The following ACACA variants were observed in gnomAD, a reference collection of about 807,000 sequenced individuals.
ACACA encodes acetyl-CoA carboxylase 1.
A neutral mutation model predicts 296.1 loss-of-function variants in ACACA; 103 were observed. That is an observed-to-expected ratio of 0.35 (90% CI 0.30 to 0.41). The LOEUF is 0.41. ACACA is among the 10% of genes least tolerant of loss of function. The probability of loss-of-function intolerance (pLI) is 1.00; values close to 1 mark genes in which losing one functional copy is unlikely to be tolerated. For synonymous variants in ACACA, 953 were observed against 1,038.6 expected, an observed-to-expected ratio of 0.92 and a Z score of 1.58; for missense variants, 1,554 against 2,989.7, an observed-to-expected ratio of 0.52 and a Z score of 11.20.
chr17:37,205,757 G>C lies in ACACA; in HGVS notation c.4056+8C>G. 6.2e-7 allele frequency: 1 copy of C among 1,608,548 alleles called. No individual in the cohort carries two copies. The highest frequency in any genetic ancestry group is 8.5e-7 in the Non-Finnish European group (1 of 1,175,420). ...ACATCACGAGCTTCCACCCAATCAA[G>C]AACTTACATTTTGCTGGGTAAATTC... On this transcript the variant is annotated splice_region_variant and intron_variant, in intron 33 of 55. Transcript: ENST00000616317.
At chr17:37,244,311 A>G (rs1166305107) in intron 21 of ACACA, among the ~76,000 whole-genome samples, 2 of 152,088 alleles carry the variant, frequency 1.3e-5, no homozygotes, top group Non-Finnish European at 2.9e-5. Context: ...GGTTGCAGTC[A>G]GCTGAGTTTG....
At position 37,323,657 on chromosome 17, in the gene ACACA, A is replaced by G. The variant is rs184082889; in HGVS notation, c.338+6516T>C. 9.2e-4 allele frequency among the ~76,000 whole-genome samples: 140 copies of G among 152,354 alleles called. 1 individual carries two copies. Among genetic ancestry groups the G allele is most frequent in the Non-Finnish European group, 1.4e-3 (95 of 68,036 alleles). On this transcript the variant is annotated intron_variant, in intron 3 of 55. Transcript: ENST00000616317. ...AGATTTAAAGAAATCACACTATGCTAGAGAGGAAGGAGGTGGATTTTTAAA... is the reference window on the plus strand; with the variant it reads ...AGATTTAAAGAAATCACACTATGCTGGAGAGGAAGGAGGTGGATTTTTAAA...
intron 45 of ACACA, among the ~76,000 whole-genome samples, chr17:37,145,452 T>C (rs2075771388): frequency 6.6e-6 from 1 of 152,196 alleles, no homozygotes; most frequent in Non-Finnish European, 1.5e-5. Flanking sequence ...TTGAGTGACA[T>C]GAAATAGCAA....
intron 19 of ACACA, 124 bp from the exon 20 acceptor site, chr17:37,245,338 G>C (rs760726754): frequency 5.2e-5 from 49 of 941,168 alleles, no homozygotes; most frequent in Non-Finnish European, 8.0e-5. Flanking sequence ...AGAAAAAATG[G>C]GAATTTACCA....
chr17:37,379,476 A>C, intron 1 of ACACA: 1 of 1,429,462 alleles, frequency 7.0e-7, no homozygotes, highest in Non-Finnish European at 9.4e-7. Flanking sequence ...GCTACAAGAA[A>C]ATGAATTATC....
intron 1 of ACACA, chr17:37,378,027 A>C: frequency 7.0e-7 from 1 of 1,438,804 alleles, no homozygotes; most frequent in Non-Finnish European, 9.8e-7. Flanking sequence ...TACCTTTAAA[A>C]GATATCTCAT....
chr17:37,236,888 T>C (rs530866553), intron 24 of ACACA, among the ~76,000 whole-genome samples: 8 of 152,254 alleles, frequency 5.3e-5, no homozygotes, highest in African/African-American at 1.9e-4. Flanking sequence ...GAAATATATA[T>C]ACAGAAGAAT....
chr17:37,239,153 G>A (rs1462468380), intron 24 of ACACA, among the ~76,000 whole-genome samples: 1 of 151,572 alleles, frequency 6.6e-6, no homozygotes, highest in Non-Finnish European at 1.5e-5. Context: ...TTTTTTTCCT[G>A]AACTGCTTTT....
intron 11 of ACACA, among the ~76,000 whole-genome samples, chr17:37,261,681 T>C (rs1003669812): frequency 2.0e-5 from 3 of 152,214 alleles, no homozygotes; most frequent in African/African-American, 4.8e-5. Context: ...TACTCCCTTA[T>C]TGCACTTCTC....
intron 36 of ACACA, among the ~76,000 whole-genome samples, chr17:37,193,110 C>T (rs1356800118): frequency 2.6e-5 from 4 of 152,102 alleles, no homozygotes; most frequent in Non-Finnish European, 5.9e-5. Flanking sequence ...AATATCACAT[C>T]ATTAGGATCA....
intron 25 of ACACA, among the ~76,000 whole-genome samples, chr17:37,226,986 C>G (rs541622207): frequency 6.6e-6 from 1 of 152,114 alleles, no homozygotes; most frequent in East Asian, 1.9e-4. Flanking sequence ...CTAACTAAAA[C>G]ACCATCTCAT....
intron 52 of ACACA, among the ~76,000 whole-genome samples, chr17:37,104,852 A>C (rs1451459196): frequency 2.1e-5 from 3 of 142,596 alleles, no homozygotes; most frequent in Non-Finnish European, 4.5e-5. Flanking sequence ...AGGTGGGAGA[A>C]TTGCTTGAGC....
intron 13 of ACACA, 31 bp from the exon 14 acceptor site, chr17:37,257,897 T>C: frequency 6.2e-7 from 1 of 1,611,220 alleles, no homozygotes; most frequent in Non-Finnish European, 8.5e-7. Flanking sequence ...AGAGACCATA[T>C]TATGTTTCGA....
At chr17:37,289,324 G>A in intron 3 of ACACA, 2 of 583,860 alleles carry the variant, frequency 3.4e-6, no homozygotes, top group East Asian at 6.2e-5. Flanking sequence ...ATATCTGGCT[G>A]TAAATTATTC....
chr17:37,203,150 C>T lies in ACACA; in HGVS notation c.4056+2615G>A, dbSNP rs534612582. Among the ~76,000 whole-genome samples, 9 of 151,836 alleles carry T rather than the reference C, an allele frequency of 5.9e-5. No homozygotes were observed. In the East Asian group the frequency reaches 8.0e-4, roughly 13 times the overall value. ...CTAATTTTTGTATTTTCAGTAGAGA[C>T]GGGGTTTCACCATATTGGCCAGGCT... On this transcript the variant is annotated intron_variant, in intron 33 of 55. Transcript: ENST00000616317.
intron 1 of ACACA, 38 bp downstream of exon 1, chr17:37,406,224 C>T (rs772153413): frequency 1.2e-6 from 2 of 1,604,604 alleles, no homozygotes; most frequent in Non-Finnish European, 8.5e-7. Flanking sequence ...CTATTAGAAT[C>T]ATCATTAACA....
At chr17:37,173,982 T>TTTTATA (rs1410582295) in intron 41 of ACACA, among the ~76,000 whole-genome samples, 2 of 19,450 alleles carry the variant, frequency 1.0e-4, no homozygotes, top group African/African-American at 1.7e-4. Flanking sequence ...CCTGGCTAAT[T>TTTTATA]TATATATATA....
chr17:37,372,700 C>T (rs1057217540), intron 1 of ACACA, among the ~76,000 whole-genome samples: 2 of 152,098 alleles, frequency 1.3e-5, no homozygotes, highest in African/African-American at 2.4e-5. Flanking sequence ...TGTCATAAAA[C>T]TCATAACTTT....
intron 1 of ACACA, among the ~76,000 whole-genome samples, chr17:37,364,187 C>T (rs2049521299): frequency 6.6e-6 from 1 of 151,622 alleles, no homozygotes; most frequent in Non-Finnish European, 1.5e-5. Flanking sequence ...GTCTCAGCTA[C>T]TTGGGAGACT....
Sources: gnomAD v4.1 joint callset for allele counts (sites outside exome capture counted in the v4.1 genomes callset) on GRCh38, gnomAD v4.1.1 for gene constraint, MANE v1.5 for transcripts, NCBI Gene and HGNC (gene_info 2026-07-23, HGNC 2026-07-21) for gene names.